The following KIAA0825 variants were observed in gnomAD, a reference collection of about 807,000 sequenced individuals.
KIAA0825 encodes uncharacterized protein KIAA0825.
Under a neutral mutation model 147.6 loss-of-function variants are expected in KIAA0825, and 119 were observed. The ratio of observed to expected loss-of-function variants is 0.81; its 90% CI spans 0.69 to 0.94. The LOEUF (loss-of-function observed/expected upper bound fraction) is 0.94, where lower values mean the gene tolerates loss of function less well. Among genes scored for constraint, KIAA0825 ranks in the 40% least tolerant of loss-of-function variants. The probability of loss-of-function intolerance (pLI) is 0.00; values close to 1 mark genes in which losing one functional copy is unlikely to be tolerated. For missense variants in KIAA0825, 1,381 were observed against 1,472.7 expected (o/e 0.94, Z 1.02); for synonymous variants, 470 against 518.1 (o/e 0.91, Z 1.26).
Position 94,537,102 on chromosome 5 carries a change from G to A in KIAA0825, c.25C>T (p.His9Tyr). 1.2e-6 allele frequency: 2 copies of A among 1,611,530 alleles called. No homozygotes were observed. Among genetic ancestry groups the A allele is most frequent in the Non-Finnish European group, 1.7e-6 (2 of 1,178,504 alleles). The change falls in exon 3 of 21, where the codon CAT becomes TAT. Residue 9 changes from histidine (H) to tyrosine (Y), a missense_variant. Physicochemically the swap from His to Tyr is moderately conservative, Grantham distance 83. Transcript: ENST00000682413. MDWDDEYS[H>Y]NSFDLHCLLN... ...AAACAATGTAGGTCAAAAGAATTAT[G>A]AGAATATTCATCATCCCAATCCATT... is the stretch of plus-strand genomic sequence containing the variant.
rs1016262415 is a variant in KIAA0825, at chr5:94,496,207, C to T, written c.971-11277G>A. ...TAAACATGGCTTTTCTCTTTGTAAA[C>T]GGATGGAGAAAAAAATCAAAAGGAG... On this transcript the variant is annotated intron_variant, in intron 5 of 20. Coordinates refer to ENST00000682413, the MANE Select transcript of KIAA0825 (RefSeq NM_001145678.3). Among the ~76,000 whole-genome samples the T allele has an allele frequency of 5.9e-5, 9 of 151,956 alleles. No homozygotes were observed. In the East Asian group the frequency reaches 1.2e-3, roughly 20 times the overall value.
intron 20 of KIAA0825, among the ~76,000 whole-genome samples, chr5:94,365,177 G>A (rs917879849): frequency 6.6e-5 from 10 of 152,178 alleles, no homozygotes; most frequent in African/African-American, 2.2e-4. Context: ...GCATGGGCCA[G>A]AAGTCCCATT....
rs532362494 is a variant in KIAA0825 at position 94,489,903 on chromosome 5, A to G, written c.971-4973T>C. Among the ~76,000 whole-genome samples, 951 of 151,836 alleles carry G rather than the reference A, an allele frequency of 6.3e-3. 9 individuals are homozygous for G. Among genetic ancestry groups the G allele is most frequent in the Middle Eastern group, 0.027 (8 of 294 alleles). On this transcript the variant is annotated intron_variant, in intron 5 of 20. Transcript: ENST00000682413. ...ACTCTGTCTCAAAAAAAAAAAAAAA[A>G]AAAGAAAGAAAAGGAAGTCTAACTA...
At chr5:94,445,730 A>T (rs1757644468) in intron 13 of KIAA0825, among the ~76,000 whole-genome samples, 1 of 152,202 alleles carries the variant, frequency 6.6e-6, no homozygotes, top group African/African-American at 2.4e-5. Flanking sequence ...ATAAACCTTA[A>T]GATATCTAGG....
rs376544024 is a variant in KIAA0825, at chr5:94,523,700, AT to A, written c.300+229del. Among the ~76,000 whole-genome samples the A allele has an allele frequency of 5.7e-4, 87 of 151,688 alleles. 2 individuals are homozygous for A. In the East Asian group the frequency reaches 0.014, roughly 25 times the overall value. Reference sequence around the variant, plus strand: ...CCACAAATCACCCAGGAATCATAATATTGTATCTCCATTTATATAAAATTTT... The same window carrying A: ...CCACAAATCACCCAGGAATCATAATATGTATCTCCATTTATATAAAATTTT... On this transcript the variant is annotated intron_variant, in intron 4 of 20. Coordinates refer to ENST00000682413, the MANE Select transcript of KIAA0825 (RefSeq NM_001145678.3).
intron 20 of KIAA0825, among the ~76,000 whole-genome samples, chr5:94,296,477 G>A (rs1223815424): frequency 2.0e-5 from 3 of 152,148 alleles, no homozygotes; most frequent in South Asian, 2.1e-4. Context: ...CAGCTAGCTC[G>A]GTGTCTGCCC....
At chr5:94,354,538 T>C (rs913640997) in intron 20 of KIAA0825, among the ~76,000 whole-genome samples, 2 of 152,114 alleles carry the variant, frequency 1.3e-5, no homozygotes, top group Non-Finnish European at 2.9e-5. Flanking sequence ...TATTTATTTG[T>C]ATTTTTTCCA....
chr5:94,524,358 C>T (rs983026425), intron 3 of KIAA0825, among the ~76,000 whole-genome samples: 1 of 151,338 alleles, frequency 6.6e-6, no homozygotes, highest in Non-Finnish European at 1.5e-5. Flanking sequence ...TGTGTTGAAA[C>T]AAAAATCAAG....
intron 20 of KIAA0825, among the ~76,000 whole-genome samples, chr5:94,323,142 A>G (rs1404528576): frequency 6.6e-6 from 1 of 151,994 alleles, no homozygotes; most frequent in Non-Finnish European, 1.5e-5. Context: ...CTAAATAGAG[A>G]TACACTCACA....
At chr5:94,185,396 G>A (rs1359984952) in intron 20 of KIAA0825, among the ~76,000 whole-genome samples, 1 of 152,140 alleles carries the variant, frequency 6.6e-6, no homozygotes, top group East Asian at 1.9e-4. Flanking sequence ...ATGGTTGAGA[G>A]GTATATGCAT....
At chr5:94,607,365 G>A (rs1394516457) in intron 1 of KIAA0825, among the ~76,000 whole-genome samples, 1 of 152,140 alleles carries the variant, frequency 6.6e-6, no homozygotes, top group Non-Finnish European at 1.5e-5. Flanking sequence ...GCTCATGCCT[G>A]TAATCCCAAC....
intron 20 of KIAA0825, among the ~76,000 whole-genome samples, chr5:94,352,936 A>AG (rs1194708361): frequency 1.4e-5 from 2 of 142,324 alleles, no homozygotes; most frequent in Non-Finnish European, 3.1e-5. Context: ...GAAGAGTGGG[A>AG]GGGGGGTGAG....
chr5:94,558,237 T>TTTTGGAAGCAGCCTGCCACCA (rs1776930852), intron 2 of KIAA0825, among the ~76,000 whole-genome samples: 2 of 152,114 alleles, frequency 1.3e-5, no homozygotes, highest in South Asian at 4.2e-4. Context: ...CCTGCCACCA[T>TTTTGGAAGCAGCCTGCCACCA]TTTGGAAACA....
At chr5:94,205,299 A>ATATATATATATT (rs1254935243) in intron 20 of KIAA0825, among the ~76,000 whole-genome samples, 12 of 137,906 alleles carry the variant, frequency 8.7e-5, no homozygotes, top group African/African-American at 3.0e-4. Context: ...ATATATATAT[A>ATATATATATATT]TTTTGTTTTG....
chr5:94,609,006 T>G (rs1394925179), intron 1 of KIAA0825, among the ~76,000 whole-genome samples: 1 of 152,150 alleles, frequency 6.6e-6, no homozygotes, highest in East Asian at 1.9e-4. Flanking sequence ...AAGTACAAAA[T>G]AGACCAAGGG....
intron 1 of KIAA0825, among the ~76,000 whole-genome samples, chr5:94,602,921 C>G (rs184754064): frequency 1.8e-3 from 273 of 151,898 alleles, no homozygotes; most frequent in African/African-American, 5.8e-3. Flanking sequence ...CTCTGCCACC[C>G]GGGTTCAAGT....
intron 20 of KIAA0825, among the ~76,000 whole-genome samples, chr5:94,308,189 G>A (rs1167018404): frequency 1.3e-5 from 2 of 151,806 alleles, no homozygotes; most frequent in African/African-American, 2.4e-5. Flanking sequence ...CATTTATCAA[G>A]TGTCTCTGCT....
intron 3 of KIAA0825, among the ~76,000 whole-genome samples, chr5:94,534,509 T>C (rs1771568927): frequency 6.6e-6 from 1 of 152,186 alleles, no homozygotes; most frequent in Non-Finnish European, 1.5e-5. Context: ...AATGGTCACT[T>C]GAAGACGTTC....
chr5:94,338,554 C>T (rs1782042602), intron 20 of KIAA0825, among the ~76,000 whole-genome samples: 1 of 152,058 alleles, frequency 6.6e-6, no homozygotes, highest in South Asian at 2.1e-4. Flanking sequence ...CATATTTTTA[C>T]TGTACTTTTT....
Sources: allele counts gnomAD v4.1 joint callset (sites outside exome capture counted in the v4.1 genomes callset), GRCh38; gene constraint gnomAD v4.1.1; transcripts MANE v1.5; gene names NCBI Gene and HGNC (gene_info 2026-07-23, HGNC 2026-07-21).